FSBP: variants seen among roughly 807,000 people sequenced by gnomAD.
The protein encoded by FSBP is fibrinogen silencer binding protein.
Under a neutral mutation model 24.6 loss-of-function variants are expected in FSBP, and 18 were observed. That is an observed-to-expected ratio of 0.73 (90% CI 0.51 to 1.08). The LOEUF (loss-of-function observed/expected upper bound fraction) is 1.08, where lower values mean the gene tolerates loss of function less well. Ranked by LOEUF, FSBP falls within the 50% of genes least tolerant of loss-of-function variation. The pLI is 0.00. For synonymous variants in FSBP, 110 were observed against 125.8 expected (o/e 0.87, Z 0.84); for missense variants, 305 against 347.6 (o/e 0.88, Z 0.98).
intron 1 of FSBP, among the ~76,000 whole-genome samples, chr8:94,435,292 T>A (rs1021187017): frequency 6.6e-6 from 1 of 151,958 alleles, no homozygotes; most frequent in Admixed American, 6.6e-5. Context: ...CTGGTGATAT[T>A]TTTTTTACTG....
Position 94,433,225 on chromosome 8 carries a change from G to A in FSBP, c.375-569C>T, listed in dbSNP as rs1812161702. Among the ~76,000 whole-genome samples the A allele has an allele frequency of 3.3e-5, 5 of 152,092 alleles. No individual in the cohort carries two copies. The South Asian group carries it at 1.0e-3, about 32-fold the overall frequency. On this transcript the variant is annotated intron_variant, in intron 1 of 1. Transcript: ENST00000481490. Reference sequence around the variant, plus strand: ...TTTGGGATATGCTCAACTACTGGAGGTTATCCTAACTTTCTTATTTCAGAT... The same window carrying A: ...TTTGGGATATGCTCAACTACTGGAGATTATCCTAACTTTCTTATTTCAGAT...
rs1005348560 is a variant in FSBP, at chr8:94,428,871, G to A, written c.*3260C>T. 6.1e-5 allele frequency: 60 copies of A among 984,814 alleles called. No individual in the cohort carries two copies. The highest frequency in any genetic ancestry group is 7.1e-5 in the Non-Finnish European group (59 of 829,674). 61.0% of individuals were successfully genotyped at this position (984,814 alleles called of 1,614,324 possible). A position where few individuals can be genotyped will look rare whatever the true frequency, so the allele number is the denominator to read the frequency against. On this transcript the variant is annotated 3_prime_UTR_variant, in exon 2 of 2. Coordinates refer to ENST00000481490, the MANE Select transcript of FSBP (RefSeq NM_001256141.2). ...CAATACAAAAAAGAAGAAAAAAAAA[G>A]GTTTGGTTCCAAATTACCCTAAGAT...
chr8:94,428,377 G>C lies in FSBP; in HGVS notation c.*3754C>G. 1.0e-6 allele frequency: 1 copy of C among 955,114 alleles called. No homozygotes were observed. The highest frequency in any genetic ancestry group is 1.2e-6 in the Non-Finnish European group (1 of 802,554). 59.2% of individuals were successfully genotyped at this position (955,114 alleles called of 1,614,324 possible). A position where few individuals can be genotyped will look rare whatever the true frequency, so the allele number is the denominator to read the frequency against. On this transcript the variant is annotated 3_prime_UTR_variant, in exon 2 of 2. Coordinates refer to ENST00000481490, the MANE Select transcript of FSBP (RefSeq NM_001256141.2). ...GTATAGTCATCCCTCAGTATCCAAG[G>C]GGGATTGGTTTCAGGACACCCCCTA...
Position 94,429,869 on chromosome 8 carries a change from A to G in FSBP, c.*2262T>C, listed in dbSNP as rs1378080292. ...CTTGAGTTCATTTTTTTCTATTTCT[A>G]TAGCCATAACTTAAATTTCTGATTT... On this transcript the variant is annotated 3_prime_UTR_variant, in exon 2 of 2. Coordinates refer to ENST00000481490, the MANE Select transcript of FSBP (RefSeq NM_001256141.2). 4.2e-5 allele frequency: 41 copies of G among 985,398 alleles called. No individual in the cohort carries two copies. The highest frequency in any genetic ancestry group is 4.8e-5 in the Non-Finnish European group (40 of 829,912). The allele number at this position is 985,398 out of a possible 1,614,324, so 61.0% of individuals were successfully genotyped here. A position where few individuals can be genotyped will look rare whatever the true frequency, so the allele number is the denominator to read the frequency against.
Position 94,430,191 on chromosome 8 carries a change from GTC to G in FSBP, c.*1938_*1939del, listed in dbSNP as rs1812053196. Reference sequence around the variant, plus strand: ...AGCCAGGCATGGTGGTGCGCCTGTAGTCCCAGCTACTTGGGAAGCTGAAGCAG... The same window carrying G: ...AGCCAGGCATGGTGGTGCGCCTGTAGCCAGCTACTTGGGAAGCTGAAGCAG... On this transcript the variant is annotated 3_prime_UTR_variant, in exon 2 of 2. Coordinates refer to ENST00000481490, the MANE Select transcript of FSBP (RefSeq NM_001256141.2). The G allele has an allele frequency of 1.6e-6, 1 of 617,704 alleles. No individual in the cohort carries two copies. The highest frequency in any genetic ancestry group is 6.4e-5 in the Admixed American group (1 of 15,702). The allele number at this position is 617,704 out of a possible 1,614,324, so 38.3% of individuals were successfully genotyped here.
rs1812061613 is a variant in FSBP at position 94,430,407 on chromosome 8, C to T, written c.*1724G>A. On this transcript the variant is annotated 3_prime_UTR_variant, in exon 2 of 2. Transcript: ENST00000481490. ...CAGTTCACTTTCAACTACTCTTCGA[C>T]AAAAATTTTGAGACTAGTATGATTT... is the stretch of plus-strand genomic sequence containing the variant. 8 of 985,088 alleles carry T rather than the reference C, an allele frequency of 8.1e-6. No homozygotes were observed. The highest frequency in any genetic ancestry group is 1.7e-5 in the African/African-American group (1 of 57,158). 61.0% of individuals were successfully genotyped at this position (985,088 alleles called of 1,614,324 possible). A position where few individuals can be genotyped will look rare whatever the true frequency, so the allele number is the denominator to read the frequency against.
Position 94,429,983 on chromosome 8 carries a change from A to G in FSBP, c.*2148T>C. Reference sequence around the variant, plus strand: ...ATTAGCCCTCTAATTCAAAGCATTCAATGGCTTCTCATTGTACGTTAAGTC... The same window carrying G: ...ATTAGCCCTCTAATTCAAAGCATTCGATGGCTTCTCATTGTACGTTAAGTC... On this transcript the variant is annotated 3_prime_UTR_variant, in exon 2 of 2. Transcript: ENST00000481490. The G allele has an allele frequency of 1.0e-6, 1 of 985,384 alleles. No homozygotes were observed. The highest frequency in any genetic ancestry group is 1.2e-6 in the Non-Finnish European group (1 of 829,928). The allele number at this position is 985,384 out of a possible 1,614,324, so 61.0% of individuals were successfully genotyped here.
At position 94,427,810 on chromosome 8, in the gene FSBP, C is replaced by T. The variant is rs1811981235; in HGVS notation, c.*4321G>A. 8 of 959,466 alleles carry T rather than the reference C, an allele frequency of 8.3e-6. No individual in the cohort carries two copies. In the South Asian group the frequency reaches 3.4e-4, roughly 40 times the overall value. 59.4% of individuals were successfully genotyped at this position (959,466 alleles called of 1,614,324 possible). A position where few individuals can be genotyped will look rare whatever the true frequency, so the allele number is the denominator to read the frequency against. ...TATATTAAACACAATTTATTACACT[C>T]TAAGTTATTTAAACATGTGTATTTA... On this transcript the variant is annotated 3_prime_UTR_variant, in exon 2 of 2. Coordinates refer to ENST00000481490, the MANE Select transcript of FSBP (RefSeq NM_001256141.2).
chr8:94,436,493 A>C lies in FSBP; in HGVS notation c.374+2T>G. The C allele has an allele frequency of 2.0e-6, 3 of 1,536,828 alleles. No homozygotes were observed. The highest frequency in any genetic ancestry group is 2.6e-6 in the Non-Finnish European group (3 of 1,142,498). On this transcript the variant is annotated splice_donor_variant, in intron 1 of 1. Transcript: ENST00000481490. LOFTEE classifies it high-confidence loss of function. ...TCCATAACAAAACAAAATAAAGCTTACCTTTGTATGTGGTTCCTGTCTCTT... is the reference window on the plus strand; with the variant it reads ...TCCATAACAAAACAAAATAAAGCTTCCCTTTGTATGTGGTTCCTGTCTCTT...
chr8:94,432,275 A>AT lies in FSBP; in HGVS notation c.755dup (p.Asn252LysfsTer29). On this transcript the variant is annotated frameshift_variant, in exon 2 of 2. Coordinates refer to ENST00000481490, the MANE Select transcript of FSBP (RefSeq NM_001256141.2). LOFTEE classifies it high-confidence loss of function. ...TCTTCTCCTGAACATACAATCCAAA[A>AT]TTTTTTTGATTTTCTAAAATTATCT... The AT allele has an allele frequency of 1.3e-6, 2 of 1,550,204 alleles. No individual in the cohort carries two copies. The highest frequency in any genetic ancestry group is 3.3e-4 in the Middle Eastern group (2 of 5,990).
At position 94,432,297 on chromosome 8, in the gene FSBP, A is replaced by C; in HGVS notation, c.734T>G (p.Ile245Arg). ...ILQMLKEEHQ[I>R]ILENQKNFGL... ...AAAATTTTTTTGATTTTCTAAAATT[A>C]TCTGATGCTCCTCTTTCAACATTTG... is the stretch of plus-strand genomic sequence containing the variant. Residue 245 changes from isoleucine to arginine, a missense_variant, in exon 2 of 2, where the codon ATA becomes AGA. Transcript: ENST00000481490. The C allele has an allele frequency of 1.3e-6, 2 of 1,550,300 alleles. No homozygotes were observed. Among genetic ancestry groups the C allele is most frequent in the Non-Finnish European group, 1.7e-6 (2 of 1,146,838 alleles).
chr8:94,429,707 T>C lies in FSBP; in HGVS notation c.*2424A>G, dbSNP rs1812039054. On this transcript the variant is annotated 3_prime_UTR_variant, in exon 2 of 2. Transcript: ENST00000481490. ...CATAGCACAGATTAAAGAGAAAAGG[T>C]AACATTGTCAAAAGGATATATCAAG... 2 of 983,578 alleles carry C rather than the reference T, an allele frequency of 2.0e-6. No individual in the cohort carries two copies. The highest frequency in any genetic ancestry group is 2.4e-6 in the Non-Finnish European group (2 of 828,380). 60.9% of individuals were successfully genotyped at this position (983,578 alleles called of 1,614,324 possible). A position where few individuals can be genotyped will look rare whatever the true frequency, so the allele number is the denominator to read the frequency against.
intron 1 of FSBP, 80 bp downstream of exon 1, chr8:94,436,415 A>C: frequency 7.0e-7 from 1 of 1,430,336 alleles, no homozygotes; most frequent in South Asian, 1.5e-5. Context: ...CTTACTATGC[A>C]TATCTCTATC....
Position 94,430,225 on chromosome 8 carries a change from C to T in FSBP, c.*1906G>A, listed in dbSNP as rs750598034. The T allele has an allele frequency of 5.6e-6, 4 of 715,384 alleles. No individual in the cohort carries two copies. The African/African-American group carries it at 5.8e-5, about 10-fold the overall frequency. 44.3% of individuals were successfully genotyped at this position (715,384 alleles called of 1,614,324 possible). A position where few individuals can be genotyped will look rare whatever the true frequency, so the allele number is the denominator to read the frequency against. On this transcript the variant is annotated 3_prime_UTR_variant, in exon 2 of 2. Transcript: ENST00000481490. ...ACTTGGGAAGCTGAAGCAGGAGAAT[C>T]GCTTGAACCCAGGAAACGGAGATTG...
chr8:94,431,002 C>T lies in FSBP; in HGVS notation c.*1129G>A. 1.0e-6 allele frequency: 1 copy of T among 985,368 alleles called. No homozygotes were observed. Among genetic ancestry groups the T allele is most frequent in the Non-Finnish European group, 1.2e-6 (1 of 829,916 alleles). 61.0% of individuals were successfully genotyped at this position (985,368 alleles called of 1,614,324 possible). ...CGTCTCACTCTTGACTTCAAACACC[C>T]ATGGTCCCCTTCACTGCTGAAATTA... On this transcript the variant is annotated 3_prime_UTR_variant, in exon 2 of 2. Coordinates refer to ENST00000481490, the MANE Select transcript of FSBP (RefSeq NM_001256141.2).
At chr8:94,434,909 A>AC (rs1812214459) in intron 1 of FSBP, among the ~76,000 whole-genome samples, 3 of 151,522 alleles carry the variant, frequency 2.0e-5, no homozygotes, top group African/African-American at 7.2e-5. Context: ...TGAATATTGT[A>AC]AATATTCACA....
chr8:94,432,010 T>G lies in FSBP; in HGVS notation c.*121A>C, dbSNP rs1286297042. On this transcript the variant is annotated 3_prime_UTR_variant, in exon 2 of 2. Transcript: ENST00000481490. ...TAATTAGAAAATTATATCTAAAAAG[T>G]TTTTCCATAATAGAGATTAACAACA... The G allele has an allele frequency of 7.6e-7, 1 of 1,313,558 alleles. No individual in the cohort carries two copies. Among genetic ancestry groups the G allele is most frequent in the African/African-American group, 1.5e-5 (1 of 65,868 alleles). The allele number at this position is 1,313,558 out of a possible 1,614,324, so 81.4% of individuals were successfully genotyped here. A position where few individuals can be genotyped will look rare whatever the true frequency, so the allele number is the denominator to read the frequency against.
rs748167969 is a variant in FSBP at position 94,427,734 on chromosome 8, A to G, written c.*4397T>C. The G allele has an allele frequency of 1.4e-4, 137 of 980,898 alleles. No individual in the cohort carries two copies. Among genetic ancestry groups the G allele is most frequent in the Non-Finnish European group, 1.6e-4 (135 of 825,922 alleles). The allele number at this position is 980,898 out of a possible 1,614,324, so 60.8% of individuals were successfully genotyped here. A position where few individuals can be genotyped will look rare whatever the true frequency, so the allele number is the denominator to read the frequency against. On this transcript the variant is annotated 3_prime_UTR_variant, in exon 2 of 2. Coordinates refer to ENST00000481490, the MANE Select transcript of FSBP (RefSeq NM_001256141.2). ...AAATCAGTACAAAGTAGTATCTTGT[A>G]TTTAAAAGAACATGTGTTAACAAAG... is the stretch of plus-strand genomic sequence containing the variant.
rs775854315 is a variant in FSBP, at chr8:94,429,835, A to C, written c.*2296T>G. On this transcript the variant is annotated 3_prime_UTR_variant, in exon 2 of 2. Transcript: ENST00000481490. ...ATGAAATTAAGTAGTCAACATGCTA[A>C]AATAGTACCTTGAGTTCATTTTTTT... is the stretch of plus-strand genomic sequence containing the variant. 1.3e-4 allele frequency: 127 copies of C among 985,308 alleles called. No individual in the cohort carries two copies. The highest frequency in any genetic ancestry group is 1.1e-4 in the Non-Finnish European group (91 of 829,924). 61.0% of individuals were successfully genotyped at this position (985,308 alleles called of 1,614,324 possible).
Sources: gnomAD v4.1 joint callset for allele counts (sites outside exome capture counted in the v4.1 genomes callset) on GRCh38, gnomAD v4.1.1 for gene constraint, MANE v1.5 for transcripts, NCBI Gene and HGNC (gene_info 2026-07-23, HGNC 2026-07-21) for gene names.